Variants in PRKD1 observed in about 807,000 individuals in gnomAD.
PRKD1 encodes protein kinase D1.
In PRKD1, 63 loss-of-function variants were observed where a neutral mutation model predicts 95.9. The observed-to-expected ratio is 0.66, with a 90% CI of 0.54 to 0.81. The LOEUF (loss-of-function observed/expected upper bound fraction) is 0.81. Ranked by LOEUF, PRKD1 falls within the 30% of genes least tolerant of loss-of-function variation. The pLI is 0.00. For missense variants in PRKD1, 1,048 were observed against 1,165.3 expected, an observed-to-expected ratio of 0.90 and a Z score of 1.47; for synonymous variants, 425 against 423.1, an observed-to-expected ratio of 1.00 and a Z score of -0.05.
At chr14:29,769,828 T>C (rs923237406) in intron 1 of PRKD1, among the ~76,000 whole-genome samples, 2 of 152,236 alleles carry the variant, frequency 1.3e-5, no homozygotes, top group Non-Finnish European at 2.9e-5. Context: ...GTAGATGTAC[T>C]TATACAATAT....
chr14:29,816,961 A>G (rs1013742578), intron 1 of PRKD1, among the ~76,000 whole-genome samples: 1 of 152,174 alleles, frequency 6.6e-6, no homozygotes, highest in Non-Finnish European at 1.5e-5. Flanking sequence ...TCCCAAAATG[A>G]TTCATTTTAA....
At position 29,645,639 on chromosome 14, in the gene PRKD1, T is replaced by C. The variant is rs184267539; in HGVS notation, c.697-6735A>G. Reference sequence around the variant, plus strand: ...GGCAAATTTTACCTGAAAGCTCAATTCAGATGCTTCAGGACATATAAATAT... The same window carrying C: ...GGCAAATTTTACCTGAAAGCTCAATCCAGATGCTTCAGGACATATAAATAT... On this transcript the variant is annotated intron_variant, in intron 4 of 17. Coordinates refer to ENST00000331968, the MANE Select transcript of PRKD1 (RefSeq NM_002742.3). Among the ~76,000 whole-genome samples the C allele has an allele frequency of 4.6e-5, 7 of 152,278 alleles. No homozygotes were observed. The East Asian group carries it at 1.4e-3, about 29-fold the overall frequency.
intron 1 of PRKD1, among the ~76,000 whole-genome samples, chr14:29,911,005 T>C (rs766128805): frequency 1.3e-5 from 2 of 152,148 alleles, no homozygotes; most frequent in Non-Finnish European, 2.9e-5. Context: ...AAATTAAACA[T>C]AGAGAAGTTT....
Position 29,808,820 on chromosome 14 carries a change from A to T in PRKD1, c.265-83146T>A, listed in dbSNP as rs184792911. On this transcript the variant is annotated intron_variant, in intron 1 of 17. Coordinates refer to ENST00000331968, the MANE Select transcript of PRKD1 (RefSeq NM_002742.3). ...AATCAACTTCTTCCAAACTCCTCTT[A>T]TTGTTACGGTTTTAACCACCTCTGA... 6.6e-5 allele frequency among the ~76,000 whole-genome samples: 10 copies of T among 152,310 alleles called. No homozygotes were observed. In the East Asian group the frequency reaches 1.7e-3, roughly 26 times the overall value.
chr14:29,746,833 C>CAAT (rs1358349507), intron 1 of PRKD1, among the ~76,000 whole-genome samples: 3 of 152,076 alleles, frequency 2.0e-5, no homozygotes, highest in Non-Finnish European at 4.4e-5. Context: ...TAAAATGATT[C>CAAT]ACTTTATTGA....
At chr14:29,852,298 A>T (rs1468511245) in intron 1 of PRKD1, among the ~76,000 whole-genome samples, 1 of 152,190 alleles carries the variant, frequency 6.6e-6, no homozygotes, top group East Asian at 1.9e-4. Context: ...AGAACCTAAA[A>T]GAAAAAGGAA....
chr14:29,859,935 T>C (rs184002058), intron 1 of PRKD1, among the ~76,000 whole-genome samples: 21 of 152,346 alleles, frequency 1.4e-4, no homozygotes, highest in Admixed American at 1.2e-3. Context: ...ATTATTCACA[T>C]ATATCTGAAT....
At chr14:29,802,943 G>A (rs1169457332) in intron 1 of PRKD1, among the ~76,000 whole-genome samples, 2 of 152,156 alleles carry the variant, frequency 1.3e-5, no homozygotes, top group Non-Finnish European at 2.9e-5. Context: ...TTATCTTCTA[G>A]GAACTATAGC....
intron 3 of PRKD1, among the ~76,000 whole-genome samples, chr14:29,664,479 C>A (rs776526001): frequency 6.6e-6 from 1 of 152,126 alleles, no homozygotes; most frequent in Non-Finnish European, 1.5e-5. Flanking sequence ...TTCATATTCC[C>A]CACGTAGCTG....
intron 13 of PRKD1, among the ~76,000 whole-genome samples, chr14:29,605,674 T>C (rs1893678909): frequency 6.6e-6 from 1 of 152,222 alleles, no homozygotes; most frequent in South Asian, 2.1e-4. Flanking sequence ...AGCTATAATT[T>C]ATCATTTTGT....
At chr14:29,790,125 C>A (rs937672751) in intron 1 of PRKD1, among the ~76,000 whole-genome samples, 2 of 150,596 alleles carry the variant, frequency 1.3e-5, no homozygotes, top group African/African-American at 2.5e-5. Context: ...GATTCTCCTG[C>A]CTGAGCCTCC....
chr14:29,610,684 CTT>C (rs1735052220), intron 13 of PRKD1, among the ~76,000 whole-genome samples: 1 of 152,210 alleles, frequency 6.6e-6, no homozygotes, highest in South Asian at 2.1e-4. Context: ...AAGTTTAAAA[CTT>C]ACGTTCACAC....
chr14:29,663,787 C>T lies in PRKD1; in HGVS notation c.608G>A (p.Arg203Lys), dbSNP rs769911269. Residue 203 changes from arginine (R) to lysine (K), a missense_variant, in exon 4 of 18, where the codon AGG becomes AAG. Arg to Lys is a conservative substitution (Grantham distance 26). This residue lies in a region of PRKD1 where 275 missense variants were observed against 248.6 expected (regional missense o/e 1.11). Transcript: ENST00000331968. Reference protein sequence around the residue: ...PNNCSGVRRRRLSNVSLTGVS... With the variant: ...PNNCSGVRRRKLSNVSLTGVS... ...CCCAGTGAGGGAAACGTTTGAGAGC[C>T]TTCTCCGCCTCACACCGCTGCAATT... 15 of 1,613,914 alleles carry T rather than the reference C, an allele frequency of 9.3e-6. 1 individual carries two copies. In the South Asian group the frequency reaches 1.6e-4, roughly 18 times the overall value.
chr14:29,839,608 C>T (rs1891750773), intron 1 of PRKD1, among the ~76,000 whole-genome samples: 1 of 152,102 alleles, frequency 6.6e-6, no homozygotes, highest in African/African-American at 2.4e-5. Context: ...ATTTCCCCTC[C>T]ATACAGCACT....
intron 1 of PRKD1, among the ~76,000 whole-genome samples, chr14:29,835,170 C>CAAT (rs1555349413): frequency 2.0e-5 from 3 of 151,714 alleles, no homozygotes; most frequent in African/African-American, 7.3e-5. Context: ...TGAAAAAAAA[C>CAAT]AAATTCATTT....
intron 9 of PRKD1, among the ~76,000 whole-genome samples, chr14:29,632,257 T>C (rs1252531186): frequency 1.3e-5 from 2 of 152,186 alleles, no homozygotes; most frequent in African/African-American, 2.4e-5. Flanking sequence ...CTATGTAAAA[T>C]GGCTGTGGAG....
chr14:29,789,559 C>A (rs1889440464), intron 1 of PRKD1, among the ~76,000 whole-genome samples: 1 of 152,112 alleles, frequency 6.6e-6, no homozygotes, highest in South Asian at 2.1e-4. Flanking sequence ...CGTGAGACTG[C>A]TGGTAGTGGG....
At chr14:29,810,593 T>A (rs1164516878) in intron 1 of PRKD1, among the ~76,000 whole-genome samples, 1 of 152,200 alleles carries the variant, frequency 6.6e-6, no homozygotes, top group African/African-American at 2.4e-5. Flanking sequence ...TTAGGCCTAT[T>A]TAGGATTTAT....
At chr14:29,856,666 A>G (rs930289582) in intron 1 of PRKD1, among the ~76,000 whole-genome samples, 7 of 152,302 alleles carry the variant, frequency 4.6e-5, no homozygotes, top group African/African-American at 1.4e-4. Context: ...AGAGAGAAGG[A>G]GCCCAGATAC....
Sources: allele counts gnomAD v4.1 joint callset (sites outside exome capture counted in the v4.1 genomes callset), GRCh38; gene constraint gnomAD v4.1.1; regional missense constraint gnomAD v4.1.1; transcripts MANE v1.5; gene names NCBI Gene and HGNC (gene_info 2026-07-23, HGNC 2026-07-21).